The following OPCML variants were observed in gnomAD, a reference collection of about 807,000 sequenced individuals.
The protein encoded by OPCML is opioid binding protein/cell adhesion molecule like, also known as opioid-binding protein/cell adhesion molecule.
Under a neutral mutation model 37.8 loss-of-function variants are expected in OPCML, and 13 were observed. The ratio of observed to expected loss-of-function variants is 0.34; its 90% CI spans 0.22 to 0.55. OPCML has a LOEUF of 0.55. Ranked by LOEUF, OPCML falls within the 20% of genes least tolerant of loss-of-function variation. The pLI is 0.91. For synonymous variants in OPCML, 176 were observed against 168.8 expected, an observed-to-expected ratio of 1.04 and a Z score of -0.33; for missense variants, 341 against 435.6, an observed-to-expected ratio of 0.78 and a Z score of 1.93.
chr11:133,048,069 G>T (rs1013393651), intron 1 of OPCML, among the ~76,000 whole-genome samples: 1 of 152,202 alleles, frequency 6.6e-6, no homozygotes, highest in African/African-American at 2.4e-5. Flanking sequence ...TCGGGCTTGA[G>T]GAATCGGGTA....
chr11:133,418,410 T>C, intron 1 of OPCML: 1 of 985,366 alleles, frequency 1.0e-6, no homozygotes, highest in Non-Finnish European at 1.2e-6. Flanking sequence ...GATTGATTGG[T>C]GGTTTTTAGA....
At chr11:132,607,832 G>T (rs1938400835) in intron 3 of OPCML, among the ~76,000 whole-genome samples, 1 of 152,170 alleles carries the variant, frequency 6.6e-6, no homozygotes, top group South Asian at 2.1e-4. Flanking sequence ...GGATTAGATT[G>T]GTGGTTACCA....
At chr11:132,891,742 A>G (rs1412837570) in intron 2 of OPCML, among the ~76,000 whole-genome samples, 1 of 152,238 alleles carries the variant, frequency 6.6e-6, no homozygotes, top group East Asian at 1.9e-4. Flanking sequence ...TTTGGATAAT[A>G]TCTTGTCACC....
At chr11:133,364,418 A>G (rs1343180584) in intron 1 of OPCML, among the ~76,000 whole-genome samples, 1 of 152,198 alleles carries the variant, frequency 6.6e-6, no homozygotes, top group African/African-American at 2.4e-5. Flanking sequence ...CTGACTTCAA[A>G]TATTTCCTAT....
At chr11:133,429,613 T>A (rs903466589) in intron 1 of OPCML, among the ~76,000 whole-genome samples, 15 of 152,238 alleles carry the variant, frequency 9.9e-5, no homozygotes, top group African/African-American at 3.6e-4. Context: ...GCAGATGGTA[T>A]GGAAGATTTT....
At chr11:133,121,201 G>A (rs1392791723) in intron 1 of OPCML, among the ~76,000 whole-genome samples, 1 of 152,172 alleles carries the variant, frequency 6.6e-6, no homozygotes, top group Non-Finnish European at 1.5e-5. Context: ...TTACAGGCAT[G>A]AGCCACTGTT....
rs1939916790 is a variant in OPCML, at chr11:133,223,436, T to G, written c.62-280426A>C. Among the ~76,000 whole-genome samples the G allele has an allele frequency of 2.0e-5, 3 of 152,172 alleles. No individual in the cohort carries two copies. The South Asian group carries it at 6.2e-4, about 32-fold the overall frequency. On this transcript the variant is annotated intron_variant, in intron 1 of 7. Transcript: ENST00000524381. ...TTTGTTTTATTTTTCTTGTTTCTTT[T>G]TCCTGTCCAAAGCCTCTAATCCTTT...
intron 1 of OPCML, among the ~76,000 whole-genome samples, chr11:133,513,929 C>A (rs988498099): frequency 5.3e-5 from 8 of 152,096 alleles, no homozygotes. Context: ...AGAAATCGAG[C>A]CAGCAAGGTC....
intron 1 of OPCML, among the ~76,000 whole-genome samples, chr11:133,175,293 C>T (rs1950350961): frequency 6.6e-6 from 1 of 152,160 alleles, no homozygotes; most frequent in Admixed American, 6.5e-5. Flanking sequence ...AGAGGAAGGA[C>T]TCACATCTGC....
At chr11:133,255,508 A>G (rs750078008) in intron 1 of OPCML, among the ~76,000 whole-genome samples, 26 of 152,256 alleles carry the variant, frequency 1.7e-4, no homozygotes, top group Non-Finnish European at 3.4e-4. Flanking sequence ...CATTTTGTAT[A>G]TAAACAATTT....
intron 1 of OPCML, among the ~76,000 whole-genome samples, chr11:133,453,357 A>G (rs1382436686): frequency 6.6e-6 from 1 of 152,204 alleles, no homozygotes; most frequent in Non-Finnish European, 1.5e-5. Flanking sequence ...GGGACTTTCA[A>G]ACTTTTGATT....
At chr11:132,905,959 C>A (rs1591784322) in intron 2 of OPCML, among the ~76,000 whole-genome samples, 1 of 152,200 alleles carries the variant, frequency 6.6e-6, no homozygotes, top group African/African-American at 2.4e-5. Flanking sequence ...TAGTCTTCAA[C>A]CACTCCTCAA....
chr11:132,798,871 AAAG>A (rs1470895455), intron 2 of OPCML, among the ~76,000 whole-genome samples: 1 of 152,252 alleles, frequency 6.6e-6, no homozygotes, highest in Non-Finnish European at 1.5e-5. Context: ...GTAGATTGTC[AAAG>A]AACAGTGATA....
intron 1 of OPCML, among the ~76,000 whole-genome samples, chr11:133,034,199 G>A (rs532051152): frequency 1.3e-5 from 2 of 152,140 alleles, no homozygotes; most frequent in Non-Finnish European, 2.9e-5. Context: ...ATTCTTACTA[G>A]TCCTAAGTTT....
chr11:133,511,164 A>G (rs75057547), intron 1 of OPCML, among the ~76,000 whole-genome samples: 9,984 of 152,238 alleles, frequency 0.066, 1,113 homozygotes, highest in African/African-American at 0.23. Context: ...AGCTACAGCC[A>G]TAATCTTCCA....
At chr11:133,312,852 T>C (rs1283081739) in intron 1 of OPCML, among the ~76,000 whole-genome samples, 1 of 152,212 alleles carries the variant, frequency 6.6e-6, no homozygotes, top group East Asian at 1.9e-4. Flanking sequence ...AGTTTTCTTA[T>C]CCTCAAAGTT....
intron 1 of OPCML, among the ~76,000 whole-genome samples, chr11:133,326,680 G>A (rs1047059105): frequency 1.2e-4 from 16 of 134,442 alleles, no homozygotes; most frequent in Non-Finnish European, 2.1e-4. Context: ...TGGGGGTGGG[G>A]GTGTGAGTAT....
chr11:132,932,685 T>C (rs1235051350), intron 2 of OPCML, among the ~76,000 whole-genome samples: 5 of 119,762 alleles, frequency 4.2e-5, no homozygotes, highest in Non-Finnish European at 8.2e-5. Flanking sequence ...TTCAGTTATA[T>C]ATATATTATA....
intron 2 of OPCML, among the ~76,000 whole-genome samples, chr11:132,876,086 C>T (rs1314574310): frequency 1.3e-5 from 2 of 152,134 alleles, no homozygotes; most frequent in African/African-American, 2.4e-5. Context: ...TTTGCAGGTC[C>T]TGGGAGGGCA....
Sources: allele counts gnomAD v4.1 joint callset (sites outside exome capture counted in the v4.1 genomes callset), GRCh38; gene constraint gnomAD v4.1.1; transcripts MANE v1.5; gene names NCBI Gene and HGNC (gene_info 2026-07-23, HGNC 2026-07-21).